Variants in KIF16B observed in about 807,000 individuals in gnomAD.
KIF16B encodes the protein kinesin family member 16B.
Under a neutral mutation model 156.3 loss-of-function variants are expected in KIF16B, and 98 were observed. The ratio of observed to expected loss-of-function variants is 0.63; its 90% CI spans 0.53 to 0.74. KIF16B has a LOEUF of 0.74. Among genes scored for constraint, KIF16B ranks in the 30% least tolerant of loss-of-function variants. KIF16B has a pLI of 0.00. For missense variants in KIF16B, 1,421 were observed against 1,606.5 expected (o/e 0.88, Z 1.97); for synonymous variants, 564 against 583.7 (o/e 0.97, Z 0.49).
At chr20:16,428,071 TAGA>T (rs1165231612) in intron 14 of KIF16B, among the ~76,000 whole-genome samples, 11 of 152,062 alleles carry the variant, frequency 7.2e-5, no homozygotes, top group Admixed American at 3.3e-4. Context: ...ATTTAACAAT[TAGA>T]AGAAGAGGCC....
chr20:16,310,215 A>C (rs1408592700), intron 25 of KIF16B, among the ~76,000 whole-genome samples: 1 of 152,256 alleles, frequency 6.6e-6, no homozygotes, highest in African/African-American at 2.4e-5. Flanking sequence ...CCACAGATAA[A>C]TAACAGTCAC....
At chr20:16,410,174 T>TATATATGTAGGTACATATAC (rs1367401035) in intron 15 of KIF16B, among the ~76,000 whole-genome samples, 60 of 143,804 alleles carry the variant, frequency 4.2e-4, no homozygotes, top group Middle Eastern at 3.6e-3. Context: ...TAGGTACATA[T>TATATATGTAGGTACATATAC]ATATATGTAG....
chr20:16,485,973 GA>G (rs892205845), intron 12 of KIF16B, among the ~76,000 whole-genome samples: 2 of 151,846 alleles, frequency 1.3e-5, no homozygotes, highest in Non-Finnish European at 2.9e-5. Context: ...TAATAGAACT[GA>G]AAAAAATCTT....
intron 24 of KIF16B, among the ~76,000 whole-genome samples, chr20:16,329,253 T>C (rs1425052456): frequency 6.6e-6 from 1 of 152,150 alleles, no homozygotes; most frequent in Non-Finnish European, 1.5e-5. Flanking sequence ...ATGAGCTATG[T>C]TTCTGTTTTG....
chr20:16,557,672 C>T (rs2070900602), intron 1 of KIF16B, among the ~76,000 whole-genome samples: 1 of 152,144 alleles, frequency 6.6e-6, no homozygotes, highest in African/African-American at 2.4e-5. Context: ...TGTCTTCCAG[C>T]CTCAGCCCCT....
At chr20:16,498,176 G>A (rs114176616) in intron 10 of KIF16B, among the ~76,000 whole-genome samples, 4 of 152,182 alleles carry the variant, frequency 2.6e-5, no homozygotes, top group South Asian at 2.1e-4. Context: ...TATCCCTGTC[G>A]AAGAAGTGTA....
At chr20:16,368,605 C>T (rs911948254) in intron 22 of KIF16B, 112 of 985,800 alleles carry the variant, frequency 1.1e-4, no homozygotes, top group Non-Finnish European at 1.3e-4. Context: ...ATATCCCAGT[C>T]CATTGTTTCC....
At chr20:16,371,594 A>AC in intron 21 of KIF16B, 71 bp downstream of exon 21, 1 of 1,006,082 alleles carries the variant, frequency 9.9e-7, no homozygotes, top group South Asian at 1.5e-5. Flanking sequence ...AGTCTCAAAA[A>AC]AAAAAAAAAA....
intron 22 of KIF16B, among the ~76,000 whole-genome samples, chr20:16,363,260 C>T (rs2064586454): frequency 6.6e-6 from 1 of 152,128 alleles, no homozygotes; most frequent in Non-Finnish European, 1.5e-5. Flanking sequence ...AATAGTGTAA[C>T]AGTAAGAGCA....
intron 15 of KIF16B, among the ~76,000 whole-genome samples, chr20:16,422,988 C>T (rs1568964434): frequency 6.6e-6 from 1 of 151,942 alleles, no homozygotes; most frequent in Non-Finnish European, 1.5e-5. Context: ...TAATAAACAT[C>T]AAAACTGTGT....
rs374768295 is a variant in KIF16B at position 16,541,791 on chromosome 20, T to C, written c.48-13351A>G. On this transcript the variant is annotated intron_variant, in intron 1 of 25. Transcript: ENST00000354981. ...GAAGTGGAGCTGCAGCACCGACCCATGGACAGCCTTGGCCAACTCCACAGG... is the reference window on the plus strand; with the variant it reads ...GAAGTGGAGCTGCAGCACCGACCCACGGACAGCCTTGGCCAACTCCACAGG... Among the ~76,000 whole-genome samples, 13 of 152,272 alleles carry C rather than the reference T, an allele frequency of 8.5e-5. No individual in the cohort carries two copies. In the South Asian group the frequency reaches 1.7e-3, roughly 19 times the overall value.
chr20:16,383,420 G>A (rs529481362), intron 17 of KIF16B, among the ~76,000 whole-genome samples: 1 of 152,186 alleles, frequency 6.6e-6, no homozygotes, highest in Admixed American at 6.5e-5. Flanking sequence ...TGATATTAAA[G>A]TATTAAATAT....
chr20:16,552,126 T>C (rs546749155), intron 1 of KIF16B, among the ~76,000 whole-genome samples: 1 of 152,320 alleles, frequency 6.6e-6, no homozygotes, highest in African/African-American at 2.4e-5. Flanking sequence ...TTCAGCCTTG[T>C]CTCTCCTGCA....
At chr20:16,323,229 G>A in intron 24 of KIF16B, among the ~76,000 whole-genome samples, 1 of 151,876 alleles carries the variant, frequency 6.6e-6, no homozygotes, top group Non-Finnish European at 1.5e-5. Flanking sequence ...AAGATTAGAA[G>A]AAAAAATACA....
At chr20:16,388,424 G>T (rs1230584900) in intron 17 of KIF16B, among the ~76,000 whole-genome samples, 2 of 152,120 alleles carry the variant, frequency 1.3e-5, no homozygotes, top group Non-Finnish European at 2.9e-5. Context: ...TGTATTTGAA[G>T]GTGGCTTTAT....
At chr20:16,381,859 A>C in intron 17 of KIF16B, 112 bp from the exon 18 acceptor site, 2 of 875,228 alleles carry the variant, frequency 2.3e-6, no homozygotes. Context: ...TTCAAGTATT[A>C]CTTTTAATTA....
At chr20:16,311,107 C>T (rs1017379874) in intron 25 of KIF16B, among the ~76,000 whole-genome samples, 4 of 152,212 alleles carry the variant, frequency 2.6e-5, no homozygotes, top group East Asian at 1.9e-4. Flanking sequence ...ACTTTTTATA[C>T]AGCACTTCAC....
chr20:16,493,248 T>C (rs913205791), intron 12 of KIF16B, among the ~76,000 whole-genome samples: 1 of 152,192 alleles, frequency 6.6e-6, no homozygotes, highest in African/African-American at 2.4e-5. Context: ...TCTCATGAGA[T>C]ACAATCTTTC....
intron 23 of KIF16B, among the ~76,000 whole-genome samples, chr20:16,353,748 T>C (rs952151861): frequency 1.6e-4 from 24 of 152,184 alleles, no homozygotes; most frequent in East Asian, 9.6e-4. Context: ...TGTTTTGTTC[T>C]GGGGAAGGCC....
Sources: gnomAD v4.1 joint callset for allele counts (sites outside exome capture counted in the v4.1 genomes callset) on GRCh38, gnomAD v4.1.1 for gene constraint, MANE v1.5 for transcripts, NCBI Gene and HGNC (gene_info 2026-07-23, HGNC 2026-07-21) for gene names.